CLMN: variants seen among roughly 807,000 people sequenced by gnomAD.
CLMN encodes the protein calmin.
Under a neutral mutation model 92.7 loss-of-function variants are expected in CLMN, and 57 were observed. The ratio of observed to expected loss-of-function variants is 0.61; its 90% CI spans 0.50 to 0.77. The LOEUF (loss-of-function observed/expected upper bound fraction) is 0.77, where lower values mean the gene tolerates loss of function less well. CLMN is among the 30% of genes least tolerant of loss of function. The pLI, the probability that CLMN is intolerant of heterozygous loss-of-function variation, is 0.00. For missense variants in CLMN, 1,158 were observed against 1,237.5 expected (o/e 0.94, Z 0.96); for synonymous variants, 466 against 470.6 (o/e 0.99, Z 0.13).
intron 8 of CLMN, among the ~76,000 whole-genome samples, chr14:95,209,077 C>G (rs1322099513): frequency 6.6e-6 from 1 of 152,184 alleles, no homozygotes; most frequent in African/African-American, 2.4e-5. Flanking sequence ...TTGTTAATCT[C>G]TTTCTGTGCC....
intron 1 of CLMN, among the ~76,000 whole-genome samples, chr14:95,234,308 C>T (rs1258721740): frequency 2.0e-5 from 3 of 152,334 alleles, no homozygotes; most frequent in East Asian, 1.9e-4. Flanking sequence ...TGGTCACCGG[C>T]GTTTTGACTG....
Position 95,204,480 on chromosome 14 carries a change from AAAC to A in CLMN, c.886-20_886-18del. 1.3e-6 allele frequency: 2 copies of A among 1,540,574 alleles called. No individual in the cohort carries two copies. The highest frequency in any genetic ancestry group is 1.7e-6 in the Non-Finnish European group (2 of 1,149,648). On this transcript the variant is annotated intron_variant, in intron 8 of 12. Transcript: ENST00000298912. ...AATATCTTCCTGCAAAAAAAAACAA[AAAC>A]AAACAAACAAAAAAAAACAAAAGAA... is the stretch of plus-strand genomic sequence containing the variant.
chr14:95,226,633 G>A lies in CLMN; in HGVS notation c.145-2778C>T, dbSNP rs114757651. 4.0e-3 allele frequency among the ~76,000 whole-genome samples: 614 copies of A among 152,044 alleles called. 2 individuals are homozygous for A. Among genetic ancestry groups the A allele is most frequent in the African/African-American group, 0.014 (589 of 41,460 alleles). ...GCTCTGTGGCCCAGGCTGGAGTGCA[G>A]TGGCATGACCACGGTTCACTGCAGT... On this transcript the variant is annotated intron_variant, in intron 2 of 12. Coordinates refer to ENST00000298912, the MANE Select transcript of CLMN (RefSeq NM_024734.4).
intron 10 of CLMN, among the ~76,000 whole-genome samples, chr14:95,195,667 G>A (rs192175516): frequency 6.9e-4 from 105 of 152,340 alleles, no homozygotes; most frequent in Non-Finnish European, 1.4e-3. Context: ...AAGTTACCTG[G>A]CCCCCTGACC....
intron 4 of CLMN, among the ~76,000 whole-genome samples, chr14:95,218,107 CA>C (rs1334388115): frequency 1.3e-5 from 2 of 152,182 alleles, no homozygotes; most frequent in Non-Finnish European, 2.9e-5. Context: ...CTAGTTTTGC[CA>C]GATTGAAAAC....
chr14:95,300,134 C>T (rs1595111771), intron 1 of CLMN, among the ~76,000 whole-genome samples: 2 of 152,210 alleles, frequency 1.3e-5, no homozygotes, highest in South Asian at 2.1e-4. Flanking sequence ...CAGTGGGGCA[C>T]GGTGTGGCCA....
chr14:95,223,656 T>C, intron 3 of CLMN, 104 bp downstream of exon 3: 1 of 839,464 alleles, frequency 1.2e-6, no homozygotes, highest in South Asian at 2.0e-5. Context: ...CGCTTCAGAG[T>C]TTCTTATTAT....
At chr14:95,305,666 T>A (rs1342107216) in intron 1 of CLMN, among the ~76,000 whole-genome samples, 2 of 152,146 alleles carry the variant, frequency 1.3e-5, no homozygotes, top group Non-Finnish European at 2.9e-5. Flanking sequence ...TTCCCAGAAC[T>A]GAAGTATAGT....
chr14:95,279,455 T>C (rs1404727373), intron 1 of CLMN, among the ~76,000 whole-genome samples: 2 of 152,190 alleles, frequency 1.3e-5, no homozygotes, highest in African/African-American at 4.8e-5. Flanking sequence ...TGCACTTCTG[T>C]CTGGTGTCCT....
At chr14:95,226,523 C>CT (rs755800159) in intron 2 of CLMN, among the ~76,000 whole-genome samples, 1 of 152,210 alleles carries the variant, frequency 6.6e-6, no homozygotes. Context: ...ATAATAACTC[C>CT]TTTTAATCGC....
chr14:95,313,003 C>A (rs571809685), intron 1 of CLMN, among the ~76,000 whole-genome samples: 3 of 152,112 alleles, frequency 2.0e-5, no homozygotes, highest in Non-Finnish European at 2.9e-5. Context: ...GTCAGGAGTT[C>A]GAGACCAGCC....
intron 1 of CLMN, among the ~76,000 whole-genome samples, chr14:95,242,250 CTTT>C (rs371417505): frequency 0.18 from 17,029 of 92,912 alleles, 2,130 homozygotes; most frequent in African/African-American, 0.39. Flanking sequence ...TTTTCTTTTT[CTTT>C]TTTTTTTTTT....
In CLMN at chr14:95,251,202, AC is replaced by A. The variant is rs201369645; in HGVS notation, c.83-21070del. Among the ~76,000 whole-genome samples the A allele has an allele frequency of 4.8e-3, 726 of 152,192 alleles. 4 individuals are homozygous for A. The highest frequency in any genetic ancestry group is 0.016 in the African/African-American group (682 of 41,472). The stretch of plus-strand genomic sequence containing the variant: ...CAACGTCCATCTTCTTGGTTCTTAG[AC>A]AATGATGATAAAACCACCACCCACC... On this transcript the variant is annotated intron_variant, in intron 1 of 12. Transcript: ENST00000298912.
Position 95,203,171 on chromosome 14 carries a change from G to A in CLMN, c.2178C>T (p.Leu726=). Residue 726 remains leucine (L), a synonymous_variant, in exon 9 of 13, where the codon CTC becomes CTT. Coordinates refer to ENST00000298912, the MANE Select transcript of CLMN (RefSeq NM_024734.4). Reference sequence around the variant, plus strand: ...GAACCTCATAGTGTGGGAAATAGAAGAGGTCGTGGGGAATGACGGAAACCT... The same window carrying A: ...GAACCTCATAGTGTGGGAAATAGAAAAGGTCGTGGGGAATGACGGAAACCT... ...LSKVSVIPHD[L]FYFPHYEVPL... 2 of 1,612,876 alleles carry A rather than the reference G, an allele frequency of 1.2e-6. No homozygotes were observed. The highest frequency in any genetic ancestry group is 1.7e-6 in the Non-Finnish European group (2 of 1,180,026).
At chr14:95,223,700 A>G (rs1897618955) in intron 3 of CLMN, 60 bp downstream of exon 3, 1 of 1,328,714 alleles carries the variant, frequency 7.5e-7, no homozygotes, top group African/African-American at 1.5e-5. Context: ...TGAAAAGAAA[A>G]CCTCAGCAGC....
intron 1 of CLMN, among the ~76,000 whole-genome samples, chr14:95,236,300 C>T (rs554739233): frequency 1.2e-4 from 19 of 152,262 alleles, no homozygotes; most frequent in African/African-American, 2.9e-4. Flanking sequence ...TTCAGCCAGG[C>T]GGGGGGTCTC....
chr14:95,237,382 C>T (rs1898092136), intron 1 of CLMN, among the ~76,000 whole-genome samples: 1 of 152,230 alleles, frequency 6.6e-6, no homozygotes, highest in African/African-American at 2.4e-5. Context: ...GTGGATCCCA[C>T]CTGAACCCCA....
intron 1 of CLMN, among the ~76,000 whole-genome samples, chr14:95,232,085 A>G (rs1897907426): frequency 6.6e-6 from 1 of 152,224 alleles, no homozygotes; most frequent in African/African-American, 2.4e-5. Flanking sequence ...GTGGAACTCC[A>G]TTCTGTGCTT....
At chr14:95,288,211 T>A (rs1900416119) in intron 1 of CLMN, among the ~76,000 whole-genome samples, 1 of 152,192 alleles carries the variant, frequency 6.6e-6, no homozygotes, top group Non-Finnish European at 1.5e-5. Context: ...CACAAAGTCC[T>A]ACTCTTAGAG....
Sources: allele counts gnomAD v4.1 joint callset (sites outside exome capture counted in the v4.1 genomes callset), GRCh38; gene constraint gnomAD v4.1.1; transcripts MANE v1.5; gene names NCBI Gene and HGNC (gene_info 2026-07-23, HGNC 2026-07-21).